The following PRELID2 variants were observed in gnomAD, a reference collection of about 807,000 sequenced individuals.
PRELID2 encodes PRELI domain containing 2, also known as PRELI domain-containing protein 2.
Under a neutral mutation model 28.4 loss-of-function variants are expected in PRELID2, and 25 were observed. The observed-to-expected ratio is 0.88, with a 90% confidence interval of 0.64 to 1.23. The LOEUF (loss-of-function observed/expected upper bound fraction) is 1.23. PRELID2 is among the 50% of genes most tolerant of loss of function. The pLI is 0.00. For missense variants in PRELID2, 201 were observed against 214.4 expected, an observed-to-expected ratio of 0.94 and a Z score of 0.39; for synonymous variants, 76 against 71.6, an observed-to-expected ratio of 1.06 and a Z score of -0.31.
chr5:145,292,734 G>GTC, the PRELID2 span, among the ~76,000 whole-genome samples: 1 of 151,980 alleles, frequency 6.6e-6, no homozygotes, highest in African/African-American at 2.4e-5. Context: ...AAAAGACAGG[G>GTC]TCTCTCTCTA....
chr5:145,377,889 T>C, the PRELID2 span, among the ~76,000 whole-genome samples: 5 of 152,194 alleles, frequency 3.3e-5, no homozygotes, highest in African/African-American at 1.2e-4. Context: ...TTTGATCCTG[T>C]CATCATGATG....
chr5:145,767,813 T>C (rs1757858401), intron 5 of PRELID2, among the ~76,000 whole-genome samples: 1 of 152,204 alleles, frequency 6.6e-6, no homozygotes, highest in African/African-American at 2.4e-5. Flanking sequence ...AATTTGTAAA[T>C]AGCAGCTTTA....
At chr5:145,262,363 C>T in the PRELID2 span, among the ~76,000 whole-genome samples, 10 of 151,976 alleles carry the variant, frequency 6.6e-5, no homozygotes, top group Non-Finnish European at 1.2e-4. Flanking sequence ...ACAAAAAGAT[C>T]ATTGCCTCAG....
the PRELID2 span, chr5:145,441,060 G>T: frequency 6.6e-6 from 1 of 152,074 alleles, no homozygotes; most frequent in Non-Finnish European, 1.5e-5. Flanking sequence ...GAGTCCAGGA[G>T]AAATCTCACC....
chr5:145,678,429 C>T (rs920485893), intron 1 of PRELID2, among the ~76,000 whole-genome samples: 2 of 152,068 alleles, frequency 1.3e-5, no homozygotes, highest in Non-Finnish European at 2.9e-5. Flanking sequence ...TTTTATCTAC[C>T]GGTAGATTGT....
chr5:145,468,766 G>T (rs1752026193), downstream of PRELID2, among the ~76,000 whole-genome samples: 1 of 152,126 alleles, frequency 6.6e-6, no homozygotes, highest in South Asian at 2.1e-4. Flanking sequence ...GGGGTTGTTT[G>T]TTTGTTTCTT....
At chr5:145,457,335 C>T in the PRELID2 span, among the ~76,000 whole-genome samples, 617 of 152,144 alleles carry the variant, frequency 4.1e-3, 5 homozygotes, top group African/African-American at 0.014. Context: ...ATCCTTGAAC[C>T]ATCTTTGGCA....
the PRELID2 span, among the ~76,000 whole-genome samples, chr5:145,281,831 T>C: frequency 2.6e-5 from 4 of 152,220 alleles, no homozygotes; most frequent in Non-Finnish European, 5.9e-5. Flanking sequence ...CTGTCTCAGA[T>C]CCACAATAAA....
At chr5:145,625,279 C>A (rs1661964346) in intron 1 of PRELID2, among the ~76,000 whole-genome samples, 1 of 152,114 alleles carries the variant, frequency 6.6e-6, no homozygotes, top group African/African-American at 2.4e-5. Flanking sequence ...ATTCATAACA[C>A]TTGCTTCTTA....
intron 1 of PRELID2, among the ~76,000 whole-genome samples, chr5:145,623,961 G>A (rs1433035): frequency 1.3e-5 from 2 of 151,924 alleles, no homozygotes; most frequent in African/African-American, 2.4e-5. Flanking sequence ...CCAAGTTGTC[G>A]CCAGTACGTC....
At chr5:145,406,858 G>T in the PRELID2 span, among the ~76,000 whole-genome samples, 3 of 152,158 alleles carry the variant, frequency 2.0e-5, no homozygotes, top group Non-Finnish European at 4.4e-5. Context: ...GAGCTGAAAT[G>T]GGTTTAGGGA....
At chr5:145,738,156 C>T (rs951245611) in intron 1 of PRELID2, among the ~76,000 whole-genome samples, 5 of 152,244 alleles carry the variant, frequency 3.3e-5, no homozygotes, top group Non-Finnish European at 5.9e-5. Context: ...GAGTGGGAAC[C>T]TTTATCTCCA....
At chr5:145,742,405 T>A (rs1026761873) in intron 1 of PRELID2, among the ~76,000 whole-genome samples, 3 of 147,186 alleles carry the variant, frequency 2.0e-5, no homozygotes, top group African/African-American at 7.4e-5. Flanking sequence ...TACAGAGTTT[T>A]TTCTAACTCA....
intron 1 of PRELID2, among the ~76,000 whole-genome samples, chr5:145,589,004 A>G (rs1753191076): frequency 1.3e-5 from 2 of 152,162 alleles, no homozygotes; most frequent in Admixed American, 1.3e-4. Context: ...CTAGTTTATT[A>G]CCACCTCAAC....
chr5:145,827,803 C>T (rs918569625), intron 1 of PRELID2, among the ~76,000 whole-genome samples: 2 of 152,176 alleles, frequency 1.3e-5, no homozygotes, highest in African/African-American at 4.8e-5. Flanking sequence ...AACCGTCCTA[C>T]ACTGCAGGAC....
At chr5:145,259,314 G>A in the PRELID2 span, among the ~76,000 whole-genome samples, 1 of 152,164 alleles carries the variant, frequency 6.6e-6, no homozygotes, top group East Asian at 1.9e-4. Context: ...GCACTGTCCT[G>A]CAGACCACAA....
chr5:145,552,968 T>C (rs942607195), intron 1 of PRELID2, among the ~76,000 whole-genome samples: 4 of 152,210 alleles, frequency 2.6e-5, no homozygotes, highest in African/African-American at 9.6e-5. Context: ...GATTAGCCAA[T>C]AATAATCTAA....
the PRELID2 span, among the ~76,000 whole-genome samples, chr5:145,436,245 T>C: frequency 6.6e-6 from 1 of 152,180 alleles, no homozygotes. Flanking sequence ...TCCATTCAGG[T>C]TGCTGCAAAA....
rs145210133 is a variant in PRELID2, at chr5:145,665,822, A to G, written n.70+99109T>C. Among the ~76,000 whole-genome samples, 702 of 152,176 alleles carry G rather than the reference A, an allele frequency of 4.6e-3. 4 individuals are homozygous for G. Among genetic ancestry groups the G allele is most frequent in the African/African-American group, 0.016 (655 of 41,534 alleles). ...ATACATCTTTCAAAGCTCAATTCAA[A>G]TGGCACTCCTTAGTCTCTCCATCCT... On this transcript the variant is annotated intron_variant and non_coding_transcript_variant, in intron 1 of 2. Transcript: ENST00000510259.
Sources: gnomAD v4.1 joint callset for allele counts (sites outside exome capture counted in the v4.1 genomes callset) on GRCh38, gnomAD v4.1.1 for gene constraint, MANE v1.5 for transcripts, NCBI Gene and HGNC (gene_info 2026-07-23, HGNC 2026-07-21) for gene names.